Variants in GRB14 observed in about 807,000 individuals in gnomAD.
The protein encoded by GRB14 is growth factor receptor-bound protein 14.
A neutral mutation model predicts 69.1 loss-of-function variants in GRB14; 38 were observed. The observed-to-expected ratio is 0.55, with a 90% CI of 0.42 to 0.72. GRB14 has a LOEUF of 0.72. Ranked by LOEUF, GRB14 falls within the 30% of genes least tolerant of loss-of-function variation. The pLI, the probability that GRB14 is intolerant of heterozygous loss-of-function variation, is 0.00. For missense variants in GRB14, 666 were observed against 666.1 expected (o/e 1.00, Z 0.00); for synonymous variants, 247 against 241.3 (o/e 1.02, Z -0.22).
At chr2:164,578,242 G>T (rs1266178944) in intron 2 of GRB14, among the ~76,000 whole-genome samples, 1 of 150,936 alleles carries the variant, frequency 6.6e-6, no homozygotes, top group Non-Finnish European at 1.5e-5. Flanking sequence ...AAAAAAAAAA[G>T]AAAAAAAGAA....
intron 3 of GRB14, among the ~76,000 whole-genome samples, chr2:164,530,980 T>C (rs1687919071): frequency 6.6e-6 from 1 of 152,144 alleles, no homozygotes; most frequent in African/African-American, 2.4e-5. Flanking sequence ...GCAGCTTACA[T>C]TAGCATGGTA....
chr2:164,533,624 A>G (rs1688008152), intron 3 of GRB14, among the ~76,000 whole-genome samples: 1 of 152,234 alleles, frequency 6.6e-6, no homozygotes. Flanking sequence ...CAAGATTTCA[A>G]ATTATGTCAA....
In GRB14 at chr2:164,547,654, C is replaced by T; in HGVS notation, c.481+6G>A. On this transcript the variant is annotated splice_donor_region_variant and intron_variant, in intron 3 of 13. Coordinates refer to ENST00000263915, the MANE Select transcript of GRB14 (RefSeq NM_004490.3). ...ATGATGTGAGACAATAACTCCGTAT[C>T]CTTACCTACACCTATGTGAGGCAGG... 6.2e-7 allele frequency: 1 copy of T among 1,609,246 alleles called. No individual in the cohort carries two copies. The highest frequency in any genetic ancestry group is 1.1e-5 in the South Asian group (1 of 90,364).
chr2:164,621,072 C>G lies in GRB14; in HGVS notation c.191+47G>C, dbSNP rs914104042. The G allele has an allele frequency of 8.1e-7, 1 of 1,241,840 alleles. No homozygotes were observed. The allele number at this position is 1,241,840 out of a possible 1,614,324, so 76.9% of individuals were successfully genotyped here. On this transcript the variant is annotated intron_variant, in intron 1 of 13. Transcript: ENST00000263915. The surrounding 1 kb of genome is among the most constrained non-coding windows in gnomAD (Gnocchi z 6.0). ...TAGGACCGCCTCCTCACCCCCTCGCCGGCTGCCCAGCCAGGACACTCCCCC... is the reference window on the plus strand; with the variant it reads ...TAGGACCGCCTCCTCACCCCCTCGCGGGCTGCCCAGCCAGGACACTCCCCC...
At chr2:164,522,846 A>G (rs1339409364) in intron 5 of GRB14, among the ~76,000 whole-genome samples, 2 of 152,050 alleles carry the variant, frequency 1.3e-5, no homozygotes, top group Non-Finnish European at 2.9e-5. Context: ...AATGCGAGCA[A>G]GCCTGTCATT....
chr2:164,621,231 A>G lies in GRB14; in HGVS notation c.79T>C (p.Cys27Arg). 7.9e-7 allele frequency: 1 copy of G among 1,260,274 alleles called. No individual in the cohort carries two copies. Among genetic ancestry groups the G allele is most frequent in the African/African-American group, 1.5e-5 (1 of 65,628 alleles). The allele number at this position is 1,260,274 out of a possible 1,614,324, so 78.1% of individuals were successfully genotyped here. A position where few individuals can be genotyped will look rare whatever the true frequency, so the allele number is the denominator to read the frequency against. Residue 27 changes from cysteine (C) to arginine (R), a missense_variant, in exon 1 of 14, where the codon TGT (cysteine) becomes CGT (arginine). By Grantham distance (180) the Cys-to-Arg change is radical. Coordinates refer to ENST00000263915, the MANE Select transcript of GRB14 (RefSeq NM_004490.3). The surrounding 1 kb of genome is among the most constrained non-coding windows in gnomAD (Gnocchi z 6.0). The stretch of plus-strand genomic sequence containing the variant: ...TCGCCCCTCCCCTGGGCAGCGCCAC[A>G]CACCTGGGCGGCCAGCGGCGAATCC... ...ARDSPLAAQV[C>R]GAAQGRGDAH...
chr2:164,504,169 A>G (rs1164772445), intron 8 of GRB14, among the ~76,000 whole-genome samples: 6 of 152,152 alleles, frequency 3.9e-5, no homozygotes, highest in African/African-American at 1.4e-4. Flanking sequence ...CCATATGAAG[A>G]CTTTACATAT....
intron 2 of GRB14, among the ~76,000 whole-genome samples, chr2:164,569,246 A>C (rs1689067122): frequency 6.6e-6 from 1 of 152,196 alleles, no homozygotes; most frequent in African/African-American, 2.4e-5. Context: ...AAAACTGAAA[A>C]GTTTATTCTA....
chr2:164,583,550 C>T (rs1294668494), intron 2 of GRB14, among the ~76,000 whole-genome samples: 1 of 151,864 alleles, frequency 6.6e-6, no homozygotes, highest in African/African-American at 2.4e-5. Context: ...AATATCATTT[C>T]AATGAATCAA....
chr2:164,495,401 T>TA (rs34281715), intron 12 of GRB14, among the ~76,000 whole-genome samples: 71 of 151,932 alleles, frequency 4.7e-4, no homozygotes, highest in Non-Finnish European at 7.7e-4. Context: ...ATGCTTTAAG[T>TA]AAAAAAAATC....
chr2:164,577,310 A>G (rs1219438899), intron 2 of GRB14, among the ~76,000 whole-genome samples: 1 of 152,230 alleles, frequency 6.6e-6, no homozygotes, highest in South Asian at 2.1e-4. Flanking sequence ...GGTGTACCTA[A>G]TTGATACGGT....
intron 5 of GRB14, among the ~76,000 whole-genome samples, chr2:164,522,895 A>T (rs1309113912): frequency 2.0e-5 from 3 of 152,034 alleles, no homozygotes; most frequent in African/African-American, 7.2e-5. Flanking sequence ...ACCCTTTGCC[A>T]ATTCTAGGTG....
At chr2:164,587,965 C>T (rs1409101735) in intron 2 of GRB14, among the ~76,000 whole-genome samples, 1 of 152,152 alleles carries the variant, frequency 6.6e-6, no homozygotes, top group Non-Finnish European at 1.5e-5. Flanking sequence ...CTGAAATAAA[C>T]ATGTGGTTCT....
intron 2 of GRB14, among the ~76,000 whole-genome samples, chr2:164,582,699 G>A (rs1029049102): frequency 1.8e-4 from 27 of 152,242 alleles, no homozygotes; most frequent in Admixed American, 1.0e-3. Flanking sequence ...GATTACAGGC[G>A]TGAGCCACCG....
At chr2:164,562,427 C>G (rs1437621244) in intron 2 of GRB14, among the ~76,000 whole-genome samples, 1 of 152,068 alleles carries the variant, frequency 6.6e-6, no homozygotes, top group African/African-American at 2.4e-5. Flanking sequence ...GAAAGGAAAG[C>G]AGTGGGAGCA....
At chr2:164,618,363 A>G (rs1690360627) in intron 2 of GRB14, among the ~76,000 whole-genome samples, 1 of 152,010 alleles carries the variant, frequency 6.6e-6, no homozygotes, top group African/African-American at 2.4e-5. Flanking sequence ...CAACTCTCAA[A>G]GAGCTTGGAA....
intron 3 of GRB14, among the ~76,000 whole-genome samples, chr2:164,527,701 T>C (rs1479535978): frequency 6.6e-6 from 1 of 151,910 alleles, no homozygotes; most frequent in East Asian, 1.9e-4. Flanking sequence ...AGAAGCCCAA[T>C]TCCTTGGGGC....
chr2:164,575,837 A>G (rs1312021047), intron 2 of GRB14, among the ~76,000 whole-genome samples: 1 of 152,178 alleles, frequency 6.6e-6, no homozygotes, highest in Non-Finnish European at 1.5e-5. Flanking sequence ...AAAGCAGAAC[A>G]TCTTGTGAAT....
At chr2:164,508,941 A>T in intron 6 of GRB14, 89 bp from the exon 7 acceptor site, 1 of 742,162 alleles carries the variant, frequency 1.3e-6, no homozygotes, top group Non-Finnish European at 2.0e-6. Flanking sequence ...TTGGGCAAAA[A>T]CTTATGACCA....
Sources: allele counts gnomAD v4.1 joint callset (sites outside exome capture counted in the v4.1 genomes callset), GRCh38; gene constraint gnomAD v4.1.1; non-coding constraint Gnocchi (gnomAD v3.1); transcripts MANE v1.5; gene names NCBI Gene and HGNC (gene_info 2026-07-23, HGNC 2026-07-21).